Variants in CLCN2 observed in about 807,000 individuals in gnomAD.
CLCN2 encodes the protein chloride voltage-gated channel 2, also known as chloride channel protein 2.
In CLCN2, 72 loss-of-function variants were observed where a neutral mutation model predicts 108.3. That is an observed-to-expected ratio of 0.66 (90% CI 0.55 to 0.81). The LOEUF (loss-of-function observed/expected upper bound fraction) is 0.81. Ranked by LOEUF, CLCN2 falls within the 30% of genes least tolerant of loss-of-function variation. The pLI, the probability that CLCN2 is intolerant of heterozygous loss-of-function variation, is 0.00. For synonymous variants in CLCN2, 471 were observed against 467.1 expected (o/e 1.01, Z -0.11); for missense variants, 1,048 against 1,205.2 (o/e 0.87, Z 1.93).
chr3:184,352,630 G>A, intron 19 of CLCN2, 107 bp downstream of exon 19: 1 of 1,471,706 alleles, frequency 6.8e-7, no homozygotes, highest in Non-Finnish European at 9.5e-7. Context: ...GAGGGCCGAA[G>A]GGCAGGGAGA....
chr3:184,352,565 G>T, intron 19 of CLCN2, 69 bp from the exon 20 acceptor site: 1 of 1,541,100 alleles, frequency 6.5e-7, no homozygotes, highest in Non-Finnish European at 8.9e-7. Context: ...GAGGTGAGGG[G>T]AAGTGGTGGA....
chr3:184,352,971 G>A, intron 18 of CLCN2, 62 bp downstream of exon 18: 1 of 1,551,912 alleles, frequency 6.4e-7, no homozygotes, highest in South Asian at 1.1e-5. Flanking sequence ...GGCTGGGCAG[G>A]GACTCTAATG....
In CLCN2 at chr3:184,354,360, A is replaced by G. The variant is rs762388610; in HGVS notation, c.1508-46T>C. ...TCTCCTCAGGGTGCCCAGGTCCCAG[A>G]AGACCCTCCACAACCAGGGCAGGTC... is the stretch of plus-strand genomic sequence containing the variant. On this transcript the variant is annotated intron_variant, in intron 14 of 23. Coordinates refer to ENST00000265593, the MANE Select transcript of CLCN2 (RefSeq NM_004366.6). The G allele has an allele frequency of 2.3e-5, 36 of 1,586,122 alleles. 1 individual carries two copies. The highest frequency in any genetic ancestry group is 3.0e-5 in the Non-Finnish European group (35 of 1,157,968).
intron 22 of CLCN2, among the ~76,000 whole-genome samples, chr3:184,351,102 C>T (rs978867900): frequency 3.9e-5 from 6 of 152,124 alleles, no homozygotes; most frequent in South Asian, 2.1e-4. Context: ...CTTTTGTCCC[C>T]TATGCTTCCT....
At chr3:184,354,684 A>C in intron 13 of CLCN2, 26 bp from the exon 14 acceptor site, 3 of 1,095,470 alleles carry the variant, frequency 2.7e-6, no homozygotes, top group African/African-American at 1.7e-5. Flanking sequence ...TGGGAAGAGA[A>C]AGAGGCAGTG....
Position 184,352,778 on chromosome 3 carries a change from TCCG to T in CLCN2, c.2173_2175del (p.Arg725del). The T allele has an allele frequency of 6.2e-7, 1 of 1,613,188 alleles. No homozygotes were observed. Among genetic ancestry groups the T allele is most frequent in the Non-Finnish European group, 8.5e-7 (1 of 1,180,002 alleles). Reference sequence around the variant, plus strand: ...GGGGGTGGACTGCCACAGAAGAGGCTCCGGAGGGCGATGCCTGCCGACTCTGCG... The same window carrying T: ...GGGGGTGGACTGCCACAGAAGAGGCTGAGGGCGATGCCTGCCGACTCTGCG... On this transcript the variant is annotated inframe_deletion, in exon 19 of 24. Coordinates refer to ENST00000265593, the MANE Select transcript of CLCN2 (RefSeq NM_004366.6).
In CLCN2 at chr3:184,355,804, C is replaced by A; in HGVS notation, c.1086-26G>T. 3 of 1,606,798 alleles carry A rather than the reference C, an allele frequency of 1.9e-6. No individual in the cohort carries two copies. Among genetic ancestry groups the A allele is most frequent in the South Asian group, 1.1e-5 (1 of 90,574 alleles). On this transcript the variant is annotated intron_variant, in intron 10 of 23. Transcript: ENST00000265593. The surrounding 1 kb of genome is among the most constrained non-coding windows in gnomAD (Gnocchi z 6.3). ...CTAGAGTCGTAGGTTTCACATCAGT[C>A]GTGGGTGGCCAAGGGCTGGGTGGCC...
chr3:184,353,028 CTTA>C lies in CLCN2; in HGVS notation c.2143+2_2143+4del. The stretch of plus-strand genomic sequence containing the variant: ...GCTCTGTGGACACAGGAGACATGGG[CTTA>C]CCTGTGGGACTCTCTCCGAGGTTCC... On this transcript the variant is annotated splice_donor_variant and splice_donor_region_variant and intron_variant, in intron 18 of 23. Coordinates refer to ENST00000265593, the MANE Select transcript of CLCN2 (RefSeq NM_004366.6). LOFTEE classifies it high-confidence loss of function. The C allele has an allele frequency of 6.2e-7, 1 of 1,610,906 alleles. No homozygotes were observed. Among genetic ancestry groups the C allele is most frequent in the Non-Finnish European group, 8.5e-7 (1 of 1,177,090 alleles).
Position 184,358,239 on chromosome 3 carries a change from C to G in CLCN2, c.424G>C (p.Val142Leu). The G allele has an allele frequency of 6.2e-7, 1 of 1,614,172 alleles. No individual in the cohort carries two copies. Among genetic ancestry groups the G allele is most frequent in the Non-Finnish European group, 8.5e-7 (1 of 1,180,038 alleles). Residue 142 changes from valine to leucine, a missense_variant, in exon 4 of 24, where the codon GTT (valine) becomes CTT (leucine). Val to Leu is a conservative substitution (Grantham distance 32, BLOSUM62 1). Coordinates refer to ENST00000265593, the MANE Select transcript of CLCN2 (RefSeq NM_004366.6). ...CCGGCTGAGAAAGTGATGAGGACAA[C>G]AGGGTAGGTGACCCAGGCCAGGTAC... ...LQYLAWVTYP[V>L]VLITFSAGFT...
intron 14 of CLCN2, 34 bp downstream of exon 14, chr3:184,354,514 G>GTC: frequency 6.5e-7 from 1 of 1,550,166 alleles, no homozygotes; most frequent in Non-Finnish European, 8.9e-7. Flanking sequence ...GGGTGGGGGG[G>GTC]TCTCCCAAGG....
Position 184,361,377 on chromosome 3 carries a change from C to T in CLCN2, c.63+40G>A, listed in dbSNP as rs1338442270. 3 of 1,605,126 alleles carry T rather than the reference C, an allele frequency of 1.9e-6. No individual in the cohort carries two copies. Among genetic ancestry groups the T allele is most frequent in the Non-Finnish European group, 2.6e-6 (3 of 1,172,368 alleles). ...TCCCAGGGTAACCTGGAGCAGGGGTCCCGGAGCGCACTCCTGGGGCTCAGC... is the reference window on the plus strand; with the variant it reads ...TCCCAGGGTAACCTGGAGCAGGGGTTCCGGAGCGCACTCCTGGGGCTCAGC... On this transcript the variant is annotated intron_variant, in intron 1 of 23. Coordinates refer to ENST00000265593, the MANE Select transcript of CLCN2 (RefSeq NM_004366.6). This position sits in a 1 kb window ranked among gnomAD's most constrained non-coding sequence, Gnocchi z 6.6.
chr3:184,351,845 C>T (rs1728121007), intron 22 of CLCN2, among the ~76,000 whole-genome samples, 168 bp downstream of exon 22: 1 of 152,148 alleles, frequency 6.6e-6, no homozygotes, highest in Admixed American at 6.6e-5. Context: ...GAGGCTGCTC[C>T]CACCTCCCAT....
chr3:184,356,111 T>G (rs1345655540), intron 10 of CLCN2: 2 of 377,800 alleles, frequency 5.3e-6, no homozygotes, highest in Non-Finnish European at 1.0e-5. Flanking sequence ...CAGGGCATAT[T>G]GTGTGATGGG....
At chr3:184,352,687 G>A in intron 19 of CLCN2, 50 bp downstream of exon 19, 1 of 1,588,698 alleles carries the variant, frequency 6.3e-7, no homozygotes, top group Non-Finnish European at 8.6e-7. Context: ...CAGCATTGGA[G>A]AGGGAGCTGG....
At chr3:184,351,477 A>G (rs746881371) in intron 22 of CLCN2, among the ~76,000 whole-genome samples, 5 of 152,064 alleles carry the variant, frequency 3.3e-5, no homozygotes, top group Non-Finnish European at 7.3e-5. Context: ...CGTCCGTACC[A>G]GTTTTCCTTC....
chr3:184,358,866 C>G (rs981394653), intron 2 of CLCN2, 53 bp from the exon 3 acceptor site: 1 of 1,613,368 alleles, frequency 6.2e-7, no homozygotes, highest in African/African-American at 1.3e-5. Context: ...TGCTCCTACC[C>G]CTTTTACTGC....
chr3:184,354,185 T>C lies in CLCN2; in HGVS notation c.1637A>G (p.Gln546Arg). 6.2e-7 allele frequency: 1 copy of C among 1,613,312 alleles called. No individual in the cohort carries two copies. The highest frequency in any genetic ancestry group is 8.5e-7 in the Non-Finnish European group (1 of 1,179,950). ...GTCATAGAGGGAGGGCTGCAGACTC[T>C]GGGCGACAGCGTTGGCCAGGATGAC... ...IAVILANAVA[Q>R]SLQPSLYDSI... The change falls in exon 15 of 24, where the codon CAG (glutamine) becomes CGG (arginine). Residue 546 changes from glutamine (Q) to arginine (R), a missense_variant. Gln to Arg is a conservative substitution (Grantham distance 43). Coordinates refer to ENST00000265593, the MANE Select transcript of CLCN2 (RefSeq NM_004366.6).
In CLCN2 at chr3:184,353,366, C is replaced by T. The variant is rs753435184; in HGVS notation, c.1912G>A (p.Ala638Thr). Residue 638 changes from alanine to threonine, a missense_variant, in exon 17 of 24, where the codon GCC (alanine) becomes ACC (threonine). Physicochemically the swap from Ala to Thr is moderately conservative, Grantham distance 58 (BLOSUM62 0). Transcript: ENST00000265593. The part of the protein sequence containing the change: ...ERSQVVALLG[A>T]QLSPARRRQH... Reference sequence around the variant, plus strand: ...CGCCGGCGGGCTGGGCTCAGCTGGGCCCCCAACAATGCCACCACCTGTGAA... The same window carrying T: ...CGCCGGCGGGCTGGGCTCAGCTGGGTCCCCAACAATGCCACCACCTGTGAA... 4.3e-6 allele frequency: 7 copies of T among 1,613,028 alleles called. No individual in the cohort carries two copies. Among genetic ancestry groups the T allele is most frequent in the Middle Eastern group, 1.7e-4 (1 of 6,060 alleles).
At chr3:184,348,703 C>T (rs183016924) in intron 22 of CLCN2, 1 of 152,252 alleles carries the variant, frequency 6.6e-6, no homozygotes, top group Non-Finnish European at 1.5e-5. Flanking sequence ...AATAACCCCT[C>T]TCATCTTCTC....
Sources: allele counts gnomAD v4.1 joint callset (sites outside exome capture counted in the v4.1 genomes callset), GRCh38; gene constraint gnomAD v4.1.1; non-coding constraint Gnocchi (gnomAD v3.1); transcripts MANE v1.5; gene names NCBI Gene and HGNC (gene_info 2026-07-23, HGNC 2026-07-21).